RBM27: variants seen among roughly 807,000 people sequenced by gnomAD.
RBM27 encodes the protein RNA-binding protein 27.
A neutral mutation model predicts 135.3 loss-of-function variants in RBM27; 22 were observed. The observed-to-expected ratio is 0.16, with a 90% CI of 0.12 to 0.23. The LOEUF is 0.23. Ranked by LOEUF, RBM27 falls within the 10% of genes least tolerant of loss-of-function variation. The probability of loss-of-function intolerance (pLI) is 1.00; values close to 1 mark genes in which losing one functional copy is unlikely to be tolerated. For synonymous variants in RBM27, 481 were observed against 442.4 expected (o/e 1.09, Z -1.10); for missense variants, 1,009 against 1,281.0 (o/e 0.79, Z 3.24).
At position 146,280,204 on chromosome 5, in the gene RBM27, T is replaced by A. The variant is rs1192417480; in HGVS notation, c.2989-4418T>A. 3.3e-5 allele frequency among the ~76,000 whole-genome samples: 5 copies of A among 152,000 alleles called. No individual in the cohort carries two copies. In the East Asian group the frequency reaches 7.7e-4, roughly 24 times the overall value. On this transcript the variant is annotated intron_variant, in intron 19 of 20. Transcript: ENST00000265271. ...TCCTGAGTAGCTGGGATTATAGGCA[T>A]GCACCACCGCGCCCAGCTAATTTTT...
At position 146,236,493 on chromosome 5, in the gene RBM27, G is replaced by A. The variant is rs569607215; in HGVS notation, c.1145-805G>A. Among the ~76,000 whole-genome samples, 335 of 152,232 alleles carry A rather than the reference G, an allele frequency of 2.2e-3. 4 individuals carry two copies. The highest frequency in any genetic ancestry group is 7.8e-3 in the African/African-American group (326 of 41,566). ...CCTTAGATTAGTTTTGCCTCTTCTA[G>A]AACAAGTAATGTTCTTTTAATTGAT... is the stretch of plus-strand genomic sequence containing the variant. On this transcript the variant is annotated intron_variant, in intron 7 of 20. Coordinates refer to ENST00000265271, the MANE Select transcript of RBM27 (RefSeq NM_018989.2).
At chr5:146,262,235 A>G (rs1758430134) in intron 13 of RBM27, among the ~76,000 whole-genome samples, 1 of 152,218 alleles carries the variant, frequency 6.6e-6, no homozygotes, top group Non-Finnish European at 1.5e-5. Flanking sequence ...ATTGTTATGC[A>G]CCCTAAAGTA....
At chr5:146,221,681 C>G (rs1756470052) in intron 2 of RBM27, among the ~76,000 whole-genome samples, 1 of 152,188 alleles carries the variant, frequency 6.6e-6, no homozygotes, top group Non-Finnish European at 1.5e-5. Context: ...ATCCACCTGC[C>G]TCGGCCTCCC....
At chr5:146,219,327 A>G (rs1230939850) in intron 2 of RBM27, among the ~76,000 whole-genome samples, 1 of 152,058 alleles carries the variant, frequency 6.6e-6, no homozygotes, top group Non-Finnish European at 1.5e-5. Context: ...TGGCAGCTCT[A>G]ATGCTTTTTA....
chr5:146,219,601 G>T (rs772735104), intron 2 of RBM27, among the ~76,000 whole-genome samples: 3 of 152,070 alleles, frequency 2.0e-5, no homozygotes, highest in Non-Finnish European at 4.4e-5. Context: ...TTGCCTCTCT[G>T]ACCTTATCTC....
At position 146,289,044 on chromosome 5, in the gene RBM27, A is replaced by G. The variant is rs1430042881; in HGVS notation, c.*3014A>G. 2.0e-5 allele frequency: 3 copies of G among 152,084 alleles called. No homozygotes were observed. The highest frequency in any genetic ancestry group is 4.4e-5 in the Non-Finnish European group (3 of 67,950). The allele number at this position is 152,084 out of a possible 1,614,324, so 9.4% of individuals were successfully genotyped here. On this transcript the variant is annotated 3_prime_UTR_variant, in exon 21 of 21. Coordinates refer to ENST00000265271, the MANE Select transcript of RBM27 (RefSeq NM_018989.2). ...TTTATACATTTAAATTCATATATGT[A>G]ATGTTTGTTTTATCAATTACAATCT...
chr5:146,234,760 A>G (rs773716154), intron 7 of RBM27, among the ~76,000 whole-genome samples: 5 of 152,076 alleles, frequency 3.3e-5, no homozygotes, highest in African/African-American at 4.8e-5. Context: ...TAGGCTGGGC[A>G]TGGTGGGTCA....
chr5:146,231,578 A>G (rs2126754630), intron 6 of RBM27, among the ~76,000 whole-genome samples: 1 of 152,130 alleles, frequency 6.6e-6, no homozygotes, highest in African/African-American at 2.4e-5. Context: ...GTAAAATTTC[A>G]TAGACACTAG....
chr5:146,239,280 C>T (rs1757297884), intron 8 of RBM27, among the ~76,000 whole-genome samples: 1 of 152,110 alleles, frequency 6.6e-6, no homozygotes, highest in African/African-American at 2.4e-5. Context: ...ATTATTACTG[C>T]AGCCTACTTG....
At chr5:146,257,058 G>A (rs752909347) in intron 10 of RBM27, among the ~76,000 whole-genome samples, 33 of 152,138 alleles carry the variant, frequency 2.2e-4, no homozygotes, top group African/African-American at 7.7e-4. Context: ...CAAGGATCAC[G>A]TCTATTTTAT....
chr5:146,234,012 GTATT>G (rs1265747797), intron 7 of RBM27, among the ~76,000 whole-genome samples: 5 of 152,032 alleles, frequency 3.3e-5, no homozygotes, highest in African/African-American at 4.8e-5. Flanking sequence ...AAGAAAGCCA[GTATT>G]TATTTATTTA....
chr5:146,265,510 A>G (rs1758575238), intron 14 of RBM27, among the ~76,000 whole-genome samples: 1 of 152,218 alleles, frequency 6.6e-6, no homozygotes, highest in Non-Finnish European at 1.5e-5. Context: ...CTTGTTTTGT[A>G]GATTTAACTT....
chr5:146,233,476 C>T lies in RBM27; in HGVS notation c.877C>T (p.Leu293Phe). ...DERGFCVLGD[L>F]CQFDHGNDPL... is the part of the protein sequence containing the mutation. ...AAGAGGATTTTGTGTACTTGGTGAC[C>T]TTTGTCAGTTTGATCATGGAAATGA... Residue 293 changes from leucine (L) to phenylalanine (F), a missense_variant, in exon 7 of 21, where the codon CTT (leucine) becomes TTT (phenylalanine). Coordinates refer to ENST00000265271, the MANE Select transcript of RBM27 (RefSeq NM_018989.2). 1 of 1,582,830 alleles carries T rather than the reference C, an allele frequency of 6.3e-7. No individual in the cohort carries two copies. Among genetic ancestry groups the T allele is most frequent in the Admixed American group, 1.9e-5 (1 of 53,844 alleles).
chr5:146,232,626 T>A (rs560380365), intron 6 of RBM27, among the ~76,000 whole-genome samples: 13 of 152,124 alleles, frequency 8.5e-5, no homozygotes, highest in Non-Finnish European at 1.6e-4. Context: ...AGGAGTGCAG[T>A]GCCATGATCT....
chr5:146,233,445 C>A lies in RBM27; in HGVS notation c.851-5C>A. The A allele has an allele frequency of 6.6e-7, 1 of 1,519,780 alleles. No homozygotes were observed. The highest frequency in any genetic ancestry group is 2.2e-5 in the Admixed American group (1 of 44,944). 94.1% of individuals were successfully genotyped at this position (1,519,780 alleles called of 1,614,324 possible). A position where few individuals can be genotyped will look rare whatever the true frequency, so the allele number is the denominator to read the frequency against. ...AAGATTCTTTTTTTATTCTTTATTC[C>A]ACAGAAAGAGGATTTTGTGTACTTG... On this transcript the variant is annotated splice_polypyrimidine_tract_variant and splice_region_variant and intron_variant, in intron 6 of 20. Coordinates refer to ENST00000265271, the MANE Select transcript of RBM27 (RefSeq NM_018989.2).
At chr5:146,284,910 G>A (rs1581252793) in intron 20 of RBM27, among the ~76,000 whole-genome samples, 178 bp downstream of exon 20, 1 of 152,110 alleles carries the variant, frequency 6.6e-6, no homozygotes, top group Non-Finnish European at 1.5e-5. Flanking sequence ...AAGAAGCTGT[G>A]TTAGGGGTTA....
In RBM27 at chr5:146,229,005, C is replaced by T. The variant is rs749146806; in HGVS notation, c.363C>T (p.Pro121=). 1.9e-6 allele frequency: 3 copies of T among 1,613,508 alleles called. No homozygotes were observed. The highest frequency in any genetic ancestry group is 2.5e-6 in the Non-Finnish European group (3 of 1,179,766). Reference sequence around the variant, plus strand: ...GCAGAAAAAAGAAATATCCTAGTCCCCAGAAGACTCGTTCAGAATCTAGTG... The same window carrying T: ...GCAGAAAAAAGAAATATCCTAGTCCTCAGAAGACTCGTTCAGAATCTAGTG... The part of the protein sequence containing the change: ...RDGRKKKYPS[P]QKTRSESSER... The change falls in exon 4 of 21, where the codon CCC becomes CCT. Residue 121 remains proline, a synonymous_variant. Coordinates refer to ENST00000265271, the MANE Select transcript of RBM27 (RefSeq NM_018989.2).
chr5:146,246,040 G>A (rs1024708631), intron 8 of RBM27, among the ~76,000 whole-genome samples: 3 of 151,988 alleles, frequency 2.0e-5, no homozygotes, highest in Non-Finnish European at 4.4e-5. Flanking sequence ...GTTTCATTTG[G>A]GTACTTTAAG....
At chr5:146,215,154 G>C (rs185730741) in intron 1 of RBM27, among the ~76,000 whole-genome samples, 2 of 152,168 alleles carry the variant, frequency 1.3e-5, no homozygotes, top group South Asian at 4.1e-4. Flanking sequence ...GGCTCAAGCA[G>C]TTCTCCTGCC....
Sources: allele counts gnomAD v4.1 joint callset (sites outside exome capture counted in the v4.1 genomes callset), GRCh38; gene constraint gnomAD v4.1.1; transcripts MANE v1.5; gene names NCBI Gene and HGNC (gene_info 2026-07-23, HGNC 2026-07-21).